The following MBNL1 variants were observed in gnomAD, a reference collection of about 807,000 sequenced individuals.
MBNL1 encodes the protein muscleblind-like protein 1.
Under a neutral mutation model 42.2 loss-of-function variants are expected in MBNL1, and 8 were observed. The observed-to-expected ratio is 0.19, with a 90% confidence interval of 0.11 to 0.34. MBNL1 has a LOEUF of 0.34. Ranked by LOEUF, MBNL1 falls within the 10% of genes least tolerant of loss-of-function variation. The probability of loss-of-function intolerance (pLI) is 1.00; values close to 1 mark genes in which losing one functional copy is unlikely to be tolerated. For missense variants in MBNL1, 309 were observed against 495.3 expected (o/e 0.62, Z 3.57); for synonymous variants, 169 against 173.9 (o/e 0.97, Z 0.22).
chr3:152,443,367 TGAGA>T, intron 4 of MBNL1, among the ~76,000 whole-genome samples: 1 of 152,230 alleles, frequency 6.6e-6, no homozygotes, highest in South Asian at 2.1e-4. Context: ...AAATAGCAGC[TGAGA>T]GAGATCACTT....
At chr3:152,312,874 T>C (rs530940409) in intron 2 of MBNL1, among the ~76,000 whole-genome samples, 1 of 152,290 alleles carries the variant, frequency 6.6e-6, no homozygotes, top group South Asian at 2.1e-4. Flanking sequence ...TAAAAATTAT[T>C]TTGTAGCAAA....
intron 3 of MBNL1, among the ~76,000 whole-genome samples, chr3:152,429,233 A>G (rs528431309): frequency 2.0e-5 from 3 of 152,362 alleles, no homozygotes; most frequent in South Asian, 2.1e-4. Flanking sequence ...TCATGTTTGC[A>G]TAGTTAACTG....
chr3:152,387,366 A>C (rs752588797), intron 2 of MBNL1, among the ~76,000 whole-genome samples: 1 of 152,102 alleles, frequency 6.6e-6, no homozygotes, highest in Non-Finnish European at 1.5e-5. Context: ...AAAGCTAATA[A>C]AGCAAATTCT....
intron 2 of MBNL1, among the ~76,000 whole-genome samples, chr3:152,407,907 C>T (rs888280606): frequency 1.3e-5 from 2 of 152,092 alleles, no homozygotes; most frequent in African/African-American, 2.4e-5. Flanking sequence ...CATGTTCCCA[C>T]TTATAAGTGG....
intron 2 of MBNL1, among the ~76,000 whole-genome samples, chr3:152,318,821 A>G (rs1039712592): frequency 2.6e-5 from 4 of 152,194 alleles, no homozygotes; most frequent in African/African-American, 9.6e-5. Context: ...TCCAGATTCA[A>G]AAAAAGACAC....
chr3:152,321,308 C>T (rs972639566), intron 2 of MBNL1, among the ~76,000 whole-genome samples: 1 of 152,028 alleles, frequency 6.6e-6, no homozygotes, highest in African/African-American at 2.4e-5. Flanking sequence ...CTACAATCAC[C>T]ACTTGAGCAT....
chr3:152,402,330 G>C (rs1325049867), intron 2 of MBNL1, among the ~76,000 whole-genome samples: 1 of 152,062 alleles, frequency 6.6e-6, no homozygotes, highest in Non-Finnish European at 1.5e-5. Context: ...TCCCTAGCCT[G>C]GTATTCTTAT....
chr3:152,280,437 G>A (rs184263891), intron 1 of MBNL1, among the ~76,000 whole-genome samples: 186 of 152,270 alleles, frequency 1.2e-3, no homozygotes, highest in African/African-American at 4.2e-3. Flanking sequence ...TGGTAAATAA[G>A]TGTGATGCCA....
rs1223144666 is a variant in MBNL1, at chr3:152,464,785, G to T, written c.*2419G>T. On this transcript the variant is annotated 3_prime_UTR_variant, in exon 10 of 10. Coordinates refer to ENST00000324210, the MANE Select transcript of MBNL1 (RefSeq NM_021038.5). ...GATTATGCTGCAATTTAGCATGTTG[G>T]AACGTCTAGGGAGAAGGTTGACTTT... The T allele has an allele frequency of 6.6e-6, 1 of 152,578 alleles. No individual in the cohort carries two copies. The highest frequency in any genetic ancestry group is 1.9e-4 in the East Asian group (1 of 5,206). The allele number at this position is 152,578 out of a possible 1,614,324, so 9.5% of individuals were successfully genotyped here.
chr3:152,389,462 A>G (rs111464114), intron 2 of MBNL1, among the ~76,000 whole-genome samples: 14 of 152,266 alleles, frequency 9.2e-5, no homozygotes, highest in African/African-American at 3.4e-4. Context: ...TTTTGTCATT[A>G]TGTAAACATC....
Position 152,353,134 on chromosome 3 carries a change from A to G in MBNL1, c.174+52767A>G, listed in dbSNP as rs1394830712. Among the ~76,000 whole-genome samples the G allele has an allele frequency of 3.3e-5, 5 of 152,326 alleles. No homozygotes were observed. In the South Asian group the frequency reaches 1.0e-3, roughly 32 times the overall value. The stretch of plus-strand genomic sequence containing the variant: ...CAGAGTACTCTGTGATCAGCGAACA[A>G]AAACACACCTCAGTCTCAGAAGCTT... On this transcript the variant is annotated intron_variant, in intron 2 of 9. Coordinates refer to ENST00000324210, the MANE Select transcript of MBNL1 (RefSeq NM_021038.5).
chr3:152,287,962 T>C (rs1026495995), intron 1 of MBNL1, among the ~76,000 whole-genome samples: 1 of 152,224 alleles, frequency 6.6e-6, no homozygotes, highest in African/African-American at 2.4e-5. Context: ...AATCTCATGC[T>C]CCCTTATAGT....
intron 2 of MBNL1, among the ~76,000 whole-genome samples, chr3:152,259,858 G>A (rs2035979027): frequency 6.6e-6 from 1 of 152,166 alleles, no homozygotes; most frequent in Admixed American, 6.5e-5. Flanking sequence ...CAATAAAAAA[G>A]GGAGAGAGCA....
intron 2 of MBNL1, among the ~76,000 whole-genome samples, chr3:152,336,541 A>G (rs1268963793): frequency 1.3e-5 from 2 of 152,208 alleles, no homozygotes; most frequent in African/African-American, 2.4e-5. Context: ...ATGAAAAAGT[A>G]TTTTTAAAGG....
At chr3:152,443,233 A>G (rs1448660997) in intron 4 of MBNL1, among the ~76,000 whole-genome samples, 1 of 150,040 alleles carries the variant, frequency 6.7e-6, no homozygotes, top group Non-Finnish European at 1.5e-5. Flanking sequence ...GAACCTAAAT[A>G]AATTCAAGTC....
At chr3:152,366,131 AAG>A (rs1291371429) in intron 2 of MBNL1, among the ~76,000 whole-genome samples, 4 of 152,176 alleles carry the variant, frequency 2.6e-5, no homozygotes, top group South Asian at 2.1e-4. Flanking sequence ...TCAGAAAAAA[AAG>A]AGTAATTTTG....
chr3:152,269,307 C>G, intron 1 of MBNL1: 1 of 350,562 alleles, frequency 2.9e-6, no homozygotes, highest in East Asian at 8.0e-5. Flanking sequence ...CTGCGCCCTT[C>G]CCTGCCGCGG....
chr3:152,379,358 G>T (rs1000631555), intron 2 of MBNL1, among the ~76,000 whole-genome samples: 4 of 152,156 alleles, frequency 2.6e-5, no homozygotes, highest in African/African-American at 9.7e-5. Flanking sequence ...CCTTGGAATA[G>T]AAACCACCTA....
chr3:152,320,353 A>G (rs2075695795), intron 2 of MBNL1, among the ~76,000 whole-genome samples: 1 of 152,118 alleles, frequency 6.6e-6, no homozygotes, highest in African/African-American at 2.4e-5. Flanking sequence ...ATAATGGACT[A>G]TTTATGTTCT....
Sources: gnomAD v4.1 joint callset for allele counts (sites outside exome capture counted in the v4.1 genomes callset) on GRCh38, gnomAD v4.1.1 for gene constraint, MANE v1.5 for transcripts, NCBI Gene and HGNC (gene_info 2026-07-23, HGNC 2026-07-21) for gene names.